Variants in DDI2 observed in about 807,000 individuals in gnomAD.
The protein encoded by DDI2 is DDI proteasomal shuttling factor 2, also known as protein DDI1 homolog 2.
A neutral mutation model predicts 48.1 loss-of-function variants in DDI2; 5 were observed. The ratio of observed to expected loss-of-function variants is 0.10; its 90% CI spans 0.05 to 0.22. The LOEUF (loss-of-function observed/expected upper bound fraction) is 0.22, where lower values mean the gene tolerates loss of function less well. Among genes scored for constraint, DDI2 ranks in the 10% least tolerant of loss-of-function variants. The pLI is 1.00. For missense variants in DDI2, 285 were observed against 506.2 expected (o/e 0.56, Z 4.19); for synonymous variants, 205 against 183.6 (o/e 1.12, Z -0.94).
rs767343494 is a variant in DDI2 at position 15,643,507 on chromosome 1, T to C, written c.761-15T>C. On this transcript the variant is annotated splice_polypyrimidine_tract_variant and intron_variant, in intron 5 of 9. Transcript: ENST00000480945. Reference sequence around the variant, plus strand: ...GATTTTGTTTTTATTGTCTGATGTTTCTCTACTCCTCCAGGTGCCCAGATG... The same window carrying C: ...GATTTTGTTTTTATTGTCTGATGTTCCTCTACTCCTCCAGGTGCCCAGATG... 3.7e-6 allele frequency: 6 copies of C among 1,607,814 alleles called. No homozygotes were observed. The African/African-American group carries it at 6.7e-5, about 18-fold the overall frequency.
chr1:15,643,138 G>C (rs906264099), intron 5 of DDI2, among the ~76,000 whole-genome samples: 1 of 152,204 alleles, frequency 6.6e-6, no homozygotes, highest in African/African-American at 2.4e-5. Context: ...GGAGGCTGAC[G>C]CAGGAGAATC....
In DDI2 at chr1:15,643,601, G is replaced by A; in HGVS notation, c.840G>A (p.Gly280=). The change falls in exon 6 of 10, where the codon GGG becomes GGA. Residue 280 remains glycine, a synonymous_variant. Transcript: ENST00000480945. ...IMRLVDRRWA[G]IAKGVGTQKI... ...GACTGGTGGACCGTCGGTGGGCAGGGATTGCCAAAGGAGTGGGCACCCAGA... is the reference window on the plus strand; with the variant it reads ...GACTGGTGGACCGTCGGTGGGCAGGAATTGCCAAAGGAGTGGGCACCCAGA... 6.2e-7 allele frequency: 1 copy of A among 1,614,202 alleles called. No homozygotes were observed.
chr1:15,650,340 C>T (rs185699925), intron 7 of DDI2, among the ~76,000 whole-genome samples: 4 of 152,232 alleles, frequency 2.6e-5, no homozygotes, highest in South Asian at 2.1e-4. Flanking sequence ...ATACTGCCGT[C>T]GTTGAAGAAG....
At chr1:15,631,960 C>T (rs1047557299) in intron 3 of DDI2, among the ~76,000 whole-genome samples, 1 of 152,038 alleles carries the variant, frequency 6.6e-6, no homozygotes, top group Non-Finnish European at 1.5e-5. Flanking sequence ...CGTGCACCAC[C>T]ACACCCGGCT....
intron 8 of DDI2, among the ~76,000 whole-genome samples, chr1:15,655,219 G>T (rs1390348621): frequency 6.6e-6 from 1 of 152,154 alleles, no homozygotes; most frequent in Non-Finnish European, 1.5e-5. Flanking sequence ...TAATGTTTAA[G>T]TAATGAAATA....
intron 1 of DDI2, among the ~76,000 whole-genome samples, chr1:15,620,434 C>G (rs951217461): frequency 1.3e-4 from 20 of 152,152 alleles, no homozygotes; most frequent in Admixed American, 1.3e-3. Context: ...GTGTCCCCCC[C>G]CATTACCTCC....
rs754635922 is a variant in DDI2 at position 15,630,449 on chromosome 1, C to T, written c.393C>T (p.Gly131=). 3 of 1,614,140 alleles carry T rather than the reference C, an allele frequency of 1.9e-6. No individual in the cohort carries two copies. The highest frequency in any genetic ancestry group is 3.3e-5 in the Admixed American group (2 of 60,006). ...GAGAAATAACTTCATCTCCTCAGGG[C>T]TTGGACAATCCAGCCTTGCTCCGAG... is the stretch of plus-strand genomic sequence containing the variant. ...SPGEITSSPQ[G]LDNPALLRDM... is the part of the protein sequence containing the mutation. The change falls in exon 3 of 10, where the codon GGC becomes GGT. Residue 131 remains glycine, a synonymous_variant. Transcript: ENST00000480945.
In DDI2 at chr1:15,667,821, TTGA is replaced by T. The variant is rs1224641038; in HGVS notation, c.*8036_*8038del. On this transcript the variant is annotated 3_prime_UTR_variant, in exon 10 of 10. Coordinates refer to ENST00000480945, the MANE Select transcript of DDI2 (RefSeq NM_032341.5). Reference sequence around the variant, plus strand: ...TTCTCAAAGGTTTATCAGTTATGTATTGATGATTGGTAATCTAGACCCTCTGGA... The same window carrying T: ...TTCTCAAAGGTTTATCAGTTATGTATTGATTGGTAATCTAGACCCTCTGGA... 2 of 152,226 alleles carry T rather than the reference TTGA, an allele frequency of 1.3e-5. No individual in the cohort carries two copies. Among genetic ancestry groups the T allele is most frequent in the East Asian group, 1.9e-4 (1 of 5,200 alleles). The allele number at this position is 152,226 out of a possible 1,614,324, so 9.4% of individuals were successfully genotyped here. A position where few individuals can be genotyped will look rare whatever the true frequency, so the allele number is the denominator to read the frequency against.
At chr1:15,638,527 GTACT>G in intron 5 of DDI2, 93 bp downstream of exon 5, 3 of 765,356 alleles carry the variant, frequency 3.9e-6, no homozygotes, top group South Asian at 2.3e-5. Context: ...TCAGATGGCT[GTACT>G]TTTTTTTTTT....
chr1:15,649,146 G>A (rs534068651), intron 6 of DDI2, among the ~76,000 whole-genome samples: 9 of 149,168 alleles, frequency 6.0e-5, no homozygotes, highest in South Asian at 2.1e-4. Context: ...GGTGGATCAC[G>A]TGAGGTCAGG....
chr1:15,633,297 T>C (rs1273602531), intron 3 of DDI2, 142 bp from the exon 4 acceptor site: 3 of 894,508 alleles, frequency 3.4e-6, no homozygotes, highest in African/African-American at 1.7e-5. Flanking sequence ...AAAGTAAATG[T>C]AATTGCTCAT....
rs1218866996 is a variant in DDI2 at position 15,630,375 on chromosome 1, C to T, written c.319C>T (p.Pro107Ser). The change falls in exon 3 of 10, where the codon CCC (proline) becomes TCC (serine). Residue 107 changes from proline (P) to serine (S), a missense_variant. This residue lies in a region of DDI2 where 149 missense variants were observed against 236.5 expected (regional missense o/e 0.63). Coordinates refer to ENST00000480945, the MANE Select transcript of DDI2 (RefSeq NM_032341.5). Reference protein sequence around the residue: ...SSIAVPGTSSPRQRQPPGTQQ... With the variant: ...SSIAVPGTSSSRQRQPPGTQQ... ...TATAGCTGTGCCTGGCACATCAAGT[C>T]CCCGGCAGCGCCAGCCACCAGGAAC... 1.9e-6 allele frequency: 3 copies of T among 1,614,204 alleles called. No homozygotes were observed. The highest frequency in any genetic ancestry group is 2.5e-6 in the Non-Finnish European group (3 of 1,180,038).
intron 8 of DDI2, among the ~76,000 whole-genome samples, chr1:15,654,783 G>A (rs979097385): frequency 1.3e-5 from 2 of 152,078 alleles, no homozygotes; most frequent in Non-Finnish European, 2.9e-5. Flanking sequence ...CAACCAGACA[G>A]AGACTAACTT....
At chr1:15,650,728 A>G (rs946513571) in intron 7 of DDI2, among the ~76,000 whole-genome samples, 15 of 152,222 alleles carry the variant, frequency 9.9e-5, no homozygotes, top group African/African-American at 3.6e-4. Flanking sequence ...ACCACATCTC[A>G]AAAAACAAAA....
In DDI2 at chr1:15,665,684, A is replaced by G. The variant is rs1049407979; in HGVS notation, c.*5894A>G. 3.3e-5 allele frequency: 5 copies of G among 152,054 alleles called. No individual in the cohort carries two copies. The South Asian group carries it at 8.3e-4, about 25-fold the overall frequency. 9.4% of individuals were successfully genotyped at this position (152,054 alleles called of 1,614,324 possible). A position where few individuals can be genotyped will look rare whatever the true frequency, so the allele number is the denominator to read the frequency against. ...AAGCAATTTTTATATCTACAGACGTACTCTTCACTTATGGTGGCTTTTATC... is the reference window on the plus strand; with the variant it reads ...AAGCAATTTTTATATCTACAGACGTGCTCTTCACTTATGGTGGCTTTTATC... On this transcript the variant is annotated 3_prime_UTR_variant, in exon 10 of 10. Transcript: ENST00000480945.
At chr1:15,651,187 G>A (rs7537618) in intron 7 of DDI2, among the ~76,000 whole-genome samples, 48,808 of 152,032 alleles carry the variant, frequency 0.32, 8,734 homozygotes, top group African/African-American at 0.46. Flanking sequence ...GAATGAATGA[G>A]TGTATGTATC....
At position 15,659,872 on chromosome 1, in the gene DDI2, T is replaced by G; in HGVS notation, c.*82T>G. 1 of 1,568,080 alleles carries G rather than the reference T, an allele frequency of 6.4e-7. No individual in the cohort carries two copies. Among genetic ancestry groups the G allele is most frequent in the East Asian group, 2.2e-5 (1 of 44,572 alleles). ...TAAAGAATCTACCTCACTGGGAATG[T>G]CATCATTACCAACTTCAGATGGGTT... On this transcript the variant is annotated 3_prime_UTR_variant, in exon 10 of 10. Transcript: ENST00000480945.
rs1035125853 is a variant in DDI2 at position 15,668,411 on chromosome 1, G to A, written c.*8621G>A. The A allele has an allele frequency of 6.6e-6, 1 of 152,118 alleles. No homozygotes were observed. Among genetic ancestry groups the A allele is most frequent in the Non-Finnish European group, 1.5e-5 (1 of 68,038 alleles). The allele number at this position is 152,118 out of a possible 1,614,324, so 9.4% of individuals were successfully genotyped here. On this transcript the variant is annotated 3_prime_UTR_variant, in exon 10 of 10. Coordinates refer to ENST00000480945, the MANE Select transcript of DDI2 (RefSeq NM_032341.5). The stretch of plus-strand genomic sequence containing the variant: ...CGATCATCCTTTTGAAATAGTTCTA[G>A]TGATAAACTCAGAGAAATTCAATAT...
chr1:15,666,239 C>G lies in DDI2; in HGVS notation c.*6449C>G, dbSNP rs1640450908. On this transcript the variant is annotated 3_prime_UTR_variant, in exon 10 of 10. Coordinates refer to ENST00000480945, the MANE Select transcript of DDI2 (RefSeq NM_032341.5). ...TCACTGAATGAACTTAGGAGTGAAC[C>G]TTCGATGTGCTTGATTTTCTTTTGT... 1 of 152,012 alleles carries G rather than the reference C, an allele frequency of 6.6e-6. No homozygotes were observed. The highest frequency in any genetic ancestry group is 6.6e-5 in the Admixed American group (1 of 15,248). The allele number at this position is 152,012 out of a possible 1,614,324, so 9.4% of individuals were successfully genotyped here. A position where few individuals can be genotyped will look rare whatever the true frequency, so the allele number is the denominator to read the frequency against.
Sources: gnomAD v4.1 joint callset for allele counts (sites outside exome capture counted in the v4.1 genomes callset) on GRCh38, gnomAD v4.1.1 for gene constraint, gnomAD v4.1.1 regional missense constraint, MANE v1.5 for transcripts, NCBI Gene and HGNC (gene_info 2026-07-23, HGNC 2026-07-21) for gene names.